PCNX4: variants seen among roughly 807,000 people sequenced by gnomAD.
PCNX4 encodes pecanex-like protein 4.
In PCNX4, 103 loss-of-function variants were observed where a neutral mutation model predicts 107.2. The observed-to-expected ratio is 0.96, with a 90% CI of 0.82 to 1.13. PCNX4 has a LOEUF of 1.13. Ranked by LOEUF, PCNX4 falls within the 50% of genes most tolerant of loss-of-function variation. The probability of loss-of-function intolerance (pLI) is 0.00; values close to 1 mark genes in which losing one functional copy is unlikely to be tolerated. For missense variants in PCNX4, 1,528 were observed against 1,379.4 expected (o/e 1.11, Z -1.71); for synonymous variants, 541 against 481.7 (o/e 1.12, Z -1.61).
At position 60,129,240 on chromosome 14, in the gene PCNX4, C is replaced by CAAA. The variant is rs58442688; in HGVS notation, c.3267+3428_3267+3430dup. 6.1e-3 allele frequency among the ~76,000 whole-genome samples: 759 copies of CAAA among 123,938 alleles called. 15 individuals are homozygous for CAAA. Among genetic ancestry groups the CAAA allele is most frequent in the African/African-American group, 0.02 (687 of 34,870 alleles). The allele number at this position is 123,938 out of a possible 152,430, so 81.3% of individuals were successfully genotyped here. On this transcript the variant is annotated intron_variant, in intron 10 of 10. Transcript: ENST00000406854. The stretch of plus-strand genomic sequence containing the variant: ...GGGCAACAAGAGCGAGACTCCATCT[C>CAAA]AAAAAAAAAAAAAGAAGGATAACAT...
chr14:60,144,972 A>G lies in PCNX4; in HGVS notation c.*10751A>G, dbSNP rs780947502. On this transcript the variant is annotated 3_prime_UTR_variant, in exon 11 of 11. Transcript: ENST00000406854. The stretch of plus-strand genomic sequence containing the variant: ...AAAAGTACAGGTGCTCTTTTCAGTC[A>G]TGTTTTGTCTTAAAGATTTTAAAAT... 6.2e-7 allele frequency: 1 copy of G among 1,605,334 alleles called. No individual in the cohort carries two copies. The highest frequency in any genetic ancestry group is 8.5e-7 in the Non-Finnish European group (1 of 1,177,314).
At chr14:60,132,496 A>G (rs947980311) in intron 10 of PCNX4, among the ~76,000 whole-genome samples, 3 of 152,218 alleles carry the variant, frequency 2.0e-5, no homozygotes, top group Non-Finnish European at 4.4e-5. Context: ...CATAAGAGCC[A>G]TAAAAAACTT....
chr14:60,132,252 CAT>C (rs1192272128), intron 10 of PCNX4, among the ~76,000 whole-genome samples: 7 of 152,288 alleles, frequency 4.6e-5, no homozygotes, highest in South Asian at 2.1e-4. Context: ...TCTATACTCT[CAT>C]GTGTCAATTC....
chr14:60,130,945 T>C, intron 10 of PCNX4, among the ~76,000 whole-genome samples: 1 of 151,954 alleles, frequency 6.6e-6, no homozygotes, highest in East Asian at 1.9e-4. Context: ...TGGGAGGTAA[T>C]TAGGCTTAGA....
chr14:60,134,318 C>T lies in PCNX4; in HGVS notation c.*97C>T. On this transcript the variant is annotated 3_prime_UTR_variant, in exon 11 of 11. Coordinates refer to ENST00000406854, the MANE Select transcript of PCNX4 (RefSeq NM_001330177.2). ...CTTGTAACTTGAGGACTTCTCCACACCCCCATTCAGATGCCTGAGAACAGC... is the reference window on the plus strand; with the variant it reads ...CTTGTAACTTGAGGACTTCTCCACATCCCCATTCAGATGCCTGAGAACAGC... 1 of 1,422,248 alleles carries T rather than the reference C, an allele frequency of 7.0e-7. No individual in the cohort carries two copies. Among genetic ancestry groups the T allele is most frequent in the Non-Finnish European group, 9.6e-7 (1 of 1,041,210 alleles). 88.1% of individuals were successfully genotyped at this position (1,422,248 alleles called of 1,614,324 possible).
In PCNX4 at chr14:60,147,357, T is replaced by C. The variant is rs2140586097; in HGVS notation, c.*13136T>C. ...ACAGTTAATAATACTGTATAGCATA[T>C]TTGAAATTTGCTAAGAAGATTTTAA... is the stretch of plus-strand genomic sequence containing the variant. On this transcript the variant is annotated 3_prime_UTR_variant, in exon 11 of 11. Coordinates refer to ENST00000406854, the MANE Select transcript of PCNX4 (RefSeq NM_001330177.2). 1 of 152,332 alleles carries C rather than the reference T, an allele frequency of 6.6e-6. No homozygotes were observed. The highest frequency in any genetic ancestry group is 1.9e-4 in the East Asian group (1 of 5,186). The allele number at this position is 152,332 out of a possible 1,614,324, so 9.4% of individuals were successfully genotyped here. A position where few individuals can be genotyped will look rare whatever the true frequency, so the allele number is the denominator to read the frequency against.
intron 10 of PCNX4, among the ~76,000 whole-genome samples, chr14:60,127,931 A>C (rs974078006): frequency 9.8e-5 from 15 of 152,310 alleles, no homozygotes; most frequent in African/African-American, 3.1e-4. Context: ...GTAGAGATAG[A>C]AATTATAAAA....
Position 60,124,723 on chromosome 14 carries a change from T to G in PCNX4, c.2552T>G (p.Leu851Trp). ...HQLKDLPGTN[L>W]FIPGSVESQR... The stretch of plus-strand genomic sequence containing the variant: ...TTGAAAGATTTGCCAGGTACAAATT[T>G]GTTTATTCCAGGATCAGTAGAATCA... Residue 851 changes from leucine to tryptophan, a missense_variant, in exon 9 of 11, where the codon TTG becomes TGG. Coordinates refer to ENST00000406854, the MANE Select transcript of PCNX4 (RefSeq NM_001330177.2). 6.2e-7 allele frequency: 1 copy of G among 1,613,148 alleles called. No homozygotes were observed. The highest frequency in any genetic ancestry group is 8.5e-7 in the Non-Finnish European group (1 of 1,179,770).
At position 60,114,802 on chromosome 14, in the gene PCNX4, C is replaced by G. The variant is rs760943393; in HGVS notation, c.792C>G (p.Pro264=). ...GGGCACTTGGGACTCTGCCCCCACC[C>G]GATGCACTTCTCTTATGGGCAATGG... The part of the protein sequence containing the change: ...FLWALGTLPP[P]DALLLWAMEQ... The change falls in exon 3 of 11, where the codon CCC becomes CCG. Residue 264 remains proline, a synonymous_variant. Transcript: ENST00000406854. 2 of 1,613,812 alleles carry G rather than the reference C, an allele frequency of 1.2e-6. No homozygotes were observed. Among genetic ancestry groups the G allele is most frequent in the East Asian group, 2.2e-5 (1 of 44,882 alleles).
chr14:60,132,022 T>C (rs745490877), intron 10 of PCNX4, among the ~76,000 whole-genome samples: 44 of 152,228 alleles, frequency 2.9e-4, no homozygotes, highest in Non-Finnish European at 5.9e-4. Context: ...GCAACAATTA[T>C]TACCACAAAC....
intron 1 of PCNX4, among the ~76,000 whole-genome samples, chr14:60,093,935 A>G (rs1895366650): frequency 6.6e-6 from 1 of 152,150 alleles, no homozygotes; most frequent in African/African-American, 2.4e-5. Context: ...TGTTTTTCTA[A>G]TGAGTAATGA....
chr14:60,106,393 G>GA (rs892173757), intron 1 of PCNX4, among the ~76,000 whole-genome samples: 38 of 152,022 alleles, frequency 2.5e-4, no homozygotes, highest in Admixed American at 1.3e-3. Flanking sequence ...ATAATAATGG[G>GA]AAAAAAATCT....
chr14:60,098,163 G>A (rs536955766), intron 1 of PCNX4, among the ~76,000 whole-genome samples: 47 of 152,064 alleles, frequency 3.1e-4, no homozygotes, highest in African/African-American at 8.0e-4. Flanking sequence ...TGCCAGCCCC[G>A]AGATAACCTT....
At chr14:60,098,710 G>A (rs1395888187) in intron 1 of PCNX4, among the ~76,000 whole-genome samples, 15 of 152,124 alleles carry the variant, frequency 9.9e-5, no homozygotes, top group Admixed American at 5.9e-4. Flanking sequence ...AGGATGAGGC[G>A]GGTGGATCAC....
At position 60,137,039 on chromosome 14, in the gene PCNX4, T is replaced by C. The variant is rs1896248775; in HGVS notation, c.*2818T>C. ...CTTCTAACTTTTAGTGGTGCATTCA[T>C]ACCAACTATTTCAGAGAACTAGCAA... On this transcript the variant is annotated 3_prime_UTR_variant, in exon 11 of 11. Transcript: ENST00000406854. 6.6e-6 allele frequency: 1 copy of C among 152,266 alleles called. No individual in the cohort carries two copies. The highest frequency in any genetic ancestry group is 1.5e-5 in the Non-Finnish European group (1 of 68,032). 9.4% of individuals were successfully genotyped at this position (152,266 alleles called of 1,614,324 possible).
chr14:60,134,216 TATTAG>T lies in PCNX4; in HGVS notation c.3516_*1del, dbSNP rs1896207621. ...TTCAAAACCTCTCCACATACATTTG[TATTAG>T]AGCTCATTTTGACTGTAATGTCATC... On this transcript the variant is annotated frameshift_variant and stop_lost, in exon 11 of 11. Transcript: ENST00000406854. LOFTEE classifies it high-confidence loss of function. 2.5e-6 allele frequency: 4 copies of T among 1,612,910 alleles called. No individual in the cohort carries two copies. In the African/African-American group the frequency reaches 5.3e-5, roughly 21 times the overall value.
chr14:60,131,653 C>G (rs1273732239), intron 10 of PCNX4, among the ~76,000 whole-genome samples: 1 of 152,174 alleles, frequency 6.6e-6, no homozygotes, highest in Non-Finnish European at 1.5e-5. Flanking sequence ...TCAACACAGT[C>G]CTTTTCAGAA....
chr14:60,110,440 A>G (rs1474301381), intron 2 of PCNX4: 6 of 167,100 alleles, frequency 3.6e-5, no homozygotes, highest in African/African-American at 1.4e-4. Context: ...GTGACCTGCC[A>G]CCCCAGTGGC....
At position 60,115,971 on chromosome 14, in the gene PCNX4, G is replaced by A. The variant is rs933589834; in HGVS notation, c.1489G>A (p.Glu497Lys). 5 of 1,611,874 alleles carry A rather than the reference G, an allele frequency of 3.1e-6. No homozygotes were observed. In the African/African-American group the frequency reaches 6.7e-5, roughly 22 times the overall value. ...GCAGAATACAGAAAATGCTTTATTG[G>A]AGACAGTCATTGTATCAACAGTACA... The part of the protein sequence containing the change: ...VWQNTENALL[E>K]TVIVSTVHLI... The change falls in exon 6 of 11, where the codon GAG (glutamate) becomes AAG (lysine). Residue 497 changes from glutamate to lysine, a missense_variant. Glu to Lys is a moderately conservative substitution (Grantham distance 56). Transcript: ENST00000406854.
Sources: allele counts gnomAD v4.1 joint callset (sites outside exome capture counted in the v4.1 genomes callset), GRCh38; gene constraint gnomAD v4.1.1; transcripts MANE v1.5; gene names NCBI Gene and HGNC (gene_info 2026-07-23, HGNC 2026-07-21).